ULK4: variants seen among roughly 807,000 people sequenced by gnomAD.
The protein encoded by ULK4 is inactive serine/threonine-protein kinase ULK4.
ULK4 carries 133 observed loss-of-function variants against 160.6 expected under a neutral mutation model. That is an observed-to-expected ratio of 0.83 (90% CI 0.72 to 0.96). The LOEUF is 0.96. Ranked by LOEUF, ULK4 falls within the 40% of genes least tolerant of loss-of-function variation. The probability of loss-of-function intolerance (pLI) is 0.00; values close to 1 mark genes in which losing one functional copy is unlikely to be tolerated. For synonymous variants in ULK4, 534 were observed against 539.8 expected (o/e 0.99, Z 0.15); for missense variants, 1,580 against 1,499.5 (o/e 1.05, Z -0.89).
At chr3:41,951,398 GAA>G (rs77303040) in intron 2 of ULK4, among the ~76,000 whole-genome samples, 2 of 91,700 alleles carry the variant, frequency 2.2e-5, no homozygotes, top group Non-Finnish European at 4.7e-5. Flanking sequence ...AATCTTAAAA[GAA>G]AAAAAAAAAA....
chr3:41,697,846 G>C lies in ULK4; in HGVS notation c.2781+7211C>G, dbSNP rs367813551. ...TAAGTGAACAGTGTTGATCATGTCTGCAGTAGTGTATAGTAATGTCCTAGG... is the reference window on the plus strand; with the variant it reads ...TAAGTGAACAGTGTTGATCATGTCTCCAGTAGTGTATAGTAATGTCCTAGG... On this transcript the variant is annotated intron_variant, in intron 27 of 36. Transcript: ENST00000301831. 7.3e-4 allele frequency among the ~76,000 whole-genome samples: 111 copies of C among 152,254 alleles called. 1 individual carries two copies. The Middle Eastern group carries it at 0.01, about 14-fold the overall frequency.
intron 22 of ULK4, among the ~76,000 whole-genome samples, chr3:41,737,743 C>T (rs1433148144): frequency 1.3e-5 from 2 of 151,922 alleles, no homozygotes; most frequent in South Asian, 2.1e-4. Flanking sequence ...GCAAACTCAT[C>T]GTCCAATTCA....
At chr3:41,933,109 AG>A (rs1229650069) in intron 4 of ULK4, among the ~76,000 whole-genome samples, 1 of 151,982 alleles carries the variant, frequency 6.6e-6, no homozygotes, top group African/African-American at 2.4e-5. Flanking sequence ...ATACATACTA[AG>A]GATGTCTGTT....
intron 32 of ULK4, among the ~76,000 whole-genome samples, chr3:41,498,901 C>T (rs2085091439): frequency 6.6e-6 from 1 of 152,038 alleles, no homozygotes; most frequent in South Asian, 2.1e-4. Context: ...CCGAGAGTTT[C>T]TTCTTTTAAA....
chr3:41,403,151 CAAA>C (rs34741515), intron 34 of ULK4, among the ~76,000 whole-genome samples: 1 of 133,388 alleles, frequency 7.5e-6, no homozygotes. Context: ...AACTCCGTCT[CAAA>C]AAAAAAAAAA....
chr3:41,551,393 G>GA (rs548521071), intron 32 of ULK4, among the ~76,000 whole-genome samples: 1 of 132,540 alleles, frequency 7.5e-6, no homozygotes, highest in African/African-American at 2.8e-5. Flanking sequence ...CACTAAACAA[G>GA]AAAAAAAGGA....
At chr3:41,314,606 T>A (rs2125723686) in intron 35 of ULK4, among the ~76,000 whole-genome samples, 1 of 152,372 alleles carries the variant, frequency 6.6e-6, no homozygotes, top group South Asian at 2.1e-4. Context: ...AATATGTATA[T>A]TCTGTAGTTT....
intron 25 of ULK4, among the ~76,000 whole-genome samples, chr3:41,714,852 T>TAA (rs60470015): frequency 7.6e-6 from 1 of 131,356 alleles, no homozygotes; most frequent in African/African-American, 3.3e-5. Context: ...ACTCTGTCTT[T>TAA]AAAAAAAAAA....
At chr3:41,667,112 C>A (rs973024450) in intron 29 of ULK4, among the ~76,000 whole-genome samples, 4 of 151,736 alleles carry the variant, frequency 2.6e-5, no homozygotes, top group African/African-American at 7.3e-5. Context: ...TACGATGGCA[C>A]CAGTACACTT....
At chr3:41,802,186 G>A (rs1406481914) in intron 19 of ULK4, among the ~76,000 whole-genome samples, 1 of 152,068 alleles carries the variant, frequency 6.6e-6, no homozygotes, top group African/African-American at 2.4e-5. Flanking sequence ...AAATGATAAT[G>A]AGAAGAAAAT....
At chr3:41,854,339 G>A (rs1236970757) in intron 17 of ULK4, among the ~76,000 whole-genome samples, 1 of 152,106 alleles carries the variant, frequency 6.6e-6, no homozygotes, top group Non-Finnish European at 1.5e-5. Context: ...GCTCTAAGGT[G>A]GCTATCCTTA....
intron 2 of ULK4, among the ~76,000 whole-genome samples, chr3:41,943,355 T>C (rs1025570607): frequency 2.0e-5 from 3 of 152,180 alleles, no homozygotes; most frequent in African/African-American, 7.2e-5. Context: ...TGCTAGACTT[T>C]TACTAAAACT....
intron 31 of ULK4, among the ~76,000 whole-genome samples, chr3:41,608,908 T>C (rs1020231521): frequency 2.0e-5 from 3 of 152,234 alleles, no homozygotes. Flanking sequence ...AAGTACACTG[T>C]TCAACATCTT....
intron 35 of ULK4, among the ~76,000 whole-genome samples, chr3:41,281,433 C>T (rs1237468712): frequency 6.6e-6 from 1 of 152,174 alleles, no homozygotes; most frequent in East Asian, 1.9e-4. Flanking sequence ...TCCAGCAGCA[C>T]ATCAGAAAGC....
At chr3:41,830,139 A>C (rs1015605745) in intron 18 of ULK4, among the ~76,000 whole-genome samples, 9 of 152,030 alleles carry the variant, frequency 5.9e-5, no homozygotes, top group Non-Finnish European at 1.3e-4. Context: ...CTCTCTGGGG[A>C]CTGTTGTGGG....
intron 35 of ULK4, among the ~76,000 whole-genome samples, chr3:41,273,562 T>A (rs1362541487): frequency 6.6e-6 from 1 of 152,208 alleles, no homozygotes; most frequent in African/African-American, 2.4e-5. Context: ...CTCTCTGGAC[T>A]CAGCTCTGTC....
chr3:41,498,576 CTTT>C (rs56321420), intron 32 of ULK4, among the ~76,000 whole-genome samples: 118,478 of 144,174 alleles, frequency 0.82, 50,016 homozygotes, highest in Non-Finnish European at 0.93. Flanking sequence ...TCTTTTTTTT[CTTT>C]TTTTTTTTTT....
chr3:41,719,682 G>T (rs889650556), intron 22 of ULK4, among the ~76,000 whole-genome samples: 1 of 151,942 alleles, frequency 6.6e-6, no homozygotes, highest in Non-Finnish European at 1.5e-5. Context: ...TCCTTCTCCT[G>T]GACTATTACA....
chr3:41,582,553 T>A (rs1225587193), intron 31 of ULK4, among the ~76,000 whole-genome samples: 1 of 152,180 alleles, frequency 6.6e-6, no homozygotes, highest in Admixed American at 6.5e-5. Flanking sequence ...GCTGCCAGCT[T>A]CCTGGAGCTC....
Sources: allele counts gnomAD v4.1 joint callset (sites outside exome capture counted in the v4.1 genomes callset), GRCh38; gene constraint gnomAD v4.1.1; transcripts MANE v1.5; gene names NCBI Gene and HGNC (gene_info 2026-07-23, HGNC 2026-07-21).